The following CAMK1D variants were observed in gnomAD, a reference collection of about 807,000 sequenced individuals.
CAMK1D encodes calcium/calmodulin-dependent protein kinase type 1D.
CAMK1D carries 9 observed loss-of-function variants against 47.7 expected under a neutral mutation model. The observed-to-expected ratio is 0.19, with a 90% CI of 0.11 to 0.33. The LOEUF is 0.33. Ranked by LOEUF, CAMK1D falls within the 10% of genes least tolerant of loss-of-function variation. CAMK1D has a pLI of 1.00. For synonymous variants in CAMK1D, 184 were observed against 184.9 expected (o/e 0.99, Z 0.04); for missense variants, 291 against 488.7 (o/e 0.60, Z 3.81).
At chr10:12,365,204 C>T (rs891470794) in intron 1 of CAMK1D, among the ~76,000 whole-genome samples, 2 of 152,094 alleles carry the variant, frequency 1.3e-5, no homozygotes, top group Non-Finnish European at 2.9e-5. Flanking sequence ...GATCCACCCA[C>T]CTTAGCCTCC....
intron 6 of CAMK1D, among the ~76,000 whole-genome samples, chr10:12,808,175 A>G (rs1320337034): frequency 6.6e-6 from 1 of 152,150 alleles, no homozygotes; most frequent in Non-Finnish European, 1.5e-5. Flanking sequence ...ATAGGCATCC[A>G]CTTCCTCCAC....
At chr10:12,618,538 G>A (rs892505385) in intron 2 of CAMK1D, among the ~76,000 whole-genome samples, 18 of 152,140 alleles carry the variant, frequency 1.2e-4, no homozygotes, top group African/African-American at 4.1e-4. Context: ...TCAAAGACTC[G>A]TGGGGGGATT....
intron 2 of CAMK1D, among the ~76,000 whole-genome samples, chr10:12,629,537 G>GC (rs1839318249): frequency 6.6e-6 from 1 of 152,294 alleles, no homozygotes; most frequent in South Asian, 2.1e-4. Context: ...AAAGTTAGAG[G>GC]CCGTGGTGTG....
At chr10:12,628,858 A>G (rs1393635122) in intron 2 of CAMK1D, among the ~76,000 whole-genome samples, 1 of 152,156 alleles carries the variant, frequency 6.6e-6, no homozygotes, top group Non-Finnish European at 1.5e-5. Flanking sequence ...CCTTTTCTAT[A>G]AGGTCATATA....
Position 12,361,976 on chromosome 10 carries a change from C to A in CAMK1D, c.92+12066C>A, listed in dbSNP as rs1180303533. ...GCTTTGGAGCCTCCCCTACCCCCCG[C>A]CGGTCTGTGTACAGGGAAGCTGCTT... On this transcript the variant is annotated intron_variant, in intron 1 of 10. Transcript: ENST00000619168. Among the ~76,000 whole-genome samples the A allele has an allele frequency of 2.0e-5, 3 of 152,266 alleles. No homozygotes were observed. In the South Asian group the frequency reaches 6.2e-4, roughly 32 times the overall value.
At chr10:12,371,710 A>T (rs1473777273) in intron 1 of CAMK1D, among the ~76,000 whole-genome samples, 2 of 152,108 alleles carry the variant, frequency 1.3e-5, no homozygotes, top group African/African-American at 4.8e-5. Context: ...AGCCTGGCCA[A>T]GATGGTGAAA....
intron 1 of CAMK1D, among the ~76,000 whole-genome samples, chr10:12,408,169 CT>C (rs930764052): frequency 5.9e-5 from 8 of 136,418 alleles, no homozygotes; most frequent in Admixed American, 7.4e-5. Context: ...CTTTCATTTT[CT>C]TTTTTTTTTG....
At chr10:12,653,626 A>G (rs902321660) in intron 2 of CAMK1D, among the ~76,000 whole-genome samples, 3 of 152,236 alleles carry the variant, frequency 2.0e-5, no homozygotes, top group Admixed American at 6.5e-5. Flanking sequence ...CTTTCCCAGA[A>G]TGATGAGGAA....
At chr10:12,756,940 C>G (rs1269327753) in intron 3 of CAMK1D, among the ~76,000 whole-genome samples, 1 of 152,126 alleles carries the variant, frequency 6.6e-6, no homozygotes, top group Non-Finnish European at 1.5e-5. Flanking sequence ...AACAAAAGAA[C>G]TGAACAAACC....
intron 5 of CAMK1D, among the ~76,000 whole-genome samples, chr10:12,785,243 G>A (rs1837671703): frequency 6.6e-6 from 1 of 152,208 alleles, no homozygotes; most frequent in Non-Finnish European, 1.5e-5. Context: ...ACTTTGCCTT[G>A]TCATTTGAGG....
intron 2 of CAMK1D, among the ~76,000 whole-genome samples, chr10:12,589,056 C>T (rs1837920261): frequency 2.0e-5 from 3 of 151,956 alleles, no homozygotes; most frequent in Admixed American, 6.6e-5. Context: ...GGCTGGAGTG[C>T]AGTGGTGCTA....
chr10:12,735,239 G>A (rs951239578), intron 3 of CAMK1D, among the ~76,000 whole-genome samples: 1 of 152,216 alleles, frequency 6.6e-6, no homozygotes, highest in African/African-American at 2.4e-5. Context: ...CACTTTGGGA[G>A]GCCGAGGCGG....
chr10:12,408,071 T>C (rs1252729068), intron 1 of CAMK1D, among the ~76,000 whole-genome samples: 1 of 152,204 alleles, frequency 6.6e-6, no homozygotes, highest in African/African-American at 2.4e-5. Flanking sequence ...TTGGCCAGGC[T>C]GGTCTCAAAC....
At chr10:12,760,911 G>C (rs1281334826) in intron 3 of CAMK1D, 37 bp from the exon 4 acceptor site, 2 of 1,594,942 alleles carry the variant, frequency 1.3e-6, no homozygotes, top group Non-Finnish European at 1.7e-6. Flanking sequence ...CAATTCAACA[G>C]ATCCTTTCAA....
intron 3 of CAMK1D, among the ~76,000 whole-genome samples, chr10:12,745,265 C>G (rs946530088): frequency 6.6e-6 from 1 of 152,180 alleles, no homozygotes; most frequent in Non-Finnish European, 1.5e-5. Context: ...TTCCTGATCT[C>G]GTGATCCGCC....
rs565248088 is a variant in CAMK1D at position 12,387,893 on chromosome 10, CA to C, written c.92+37988del. 1.2e-3 allele frequency among the ~76,000 whole-genome samples: 181 copies of C among 152,246 alleles called. 1 individual carries two copies. Among genetic ancestry groups the C allele is most frequent in the Non-Finnish European group, 1.7e-3 (117 of 68,028 alleles). ...TTTATTCATTGTGAAAGACTGGGCT[CA>C]AAAATTTCCCTTTCGCCCCTGCTGG... On this transcript the variant is annotated intron_variant, in intron 1 of 10. Transcript: ENST00000619168.
chr10:12,587,681 C>A (rs930775188), intron 2 of CAMK1D, among the ~76,000 whole-genome samples: 1 of 152,136 alleles, frequency 6.6e-6, no homozygotes, highest in Non-Finnish European at 1.5e-5. Context: ...TGGAGTGGCT[C>A]ATGCAGGCTG....
At chr10:12,718,089 A>G (rs1472673367) in intron 3 of CAMK1D, among the ~76,000 whole-genome samples, 1 of 152,012 alleles carries the variant, frequency 6.6e-6, no homozygotes, top group Non-Finnish European at 1.5e-5. Flanking sequence ...CTTCTCTTCT[A>G]CCATTCTTTT....
chr10:12,772,498 T>G (rs1458508771), intron 5 of CAMK1D, among the ~76,000 whole-genome samples: 1 of 152,344 alleles, frequency 6.6e-6, no homozygotes, highest in South Asian at 2.1e-4. Context: ...CTTCTCATGT[T>G]TGGCTGGAAA....
Sources: allele counts gnomAD v4.1 joint callset (sites outside exome capture counted in the v4.1 genomes callset), GRCh38; gene constraint gnomAD v4.1.1; transcripts MANE v1.5; gene names NCBI Gene and HGNC (gene_info 2026-07-23, HGNC 2026-07-21).